Variants in MDN1 observed in about 807,000 individuals in gnomAD.
MDN1 encodes the protein midasin AAA ATPase 1.
MDN1 carries 266 observed loss-of-function variants against 669.2 expected under a neutral mutation model. That is an observed-to-expected ratio of 0.40 (90% CI 0.36 to 0.44). The LOEUF is 0.44. Among genes scored for constraint, MDN1 ranks in the 20% least tolerant of loss-of-function variants. The pLI is 1.00. For synonymous variants in MDN1, 2,385 were observed against 2,457.1 expected, an observed-to-expected ratio of 0.97 and a Z score of 0.87; for missense variants, 5,940 against 6,754.0, an observed-to-expected ratio of 0.88 and a Z score of 4.22.
chr6:89,708,375 C>A, intron 51 of MDN1, 121 bp downstream of exon 51: 2 of 1,249,872 alleles, frequency 1.6e-6, no homozygotes, highest in Non-Finnish European at 1.1e-6. Flanking sequence ...TGTCCAACAC[C>A]CCACAACTTC....
At chr6:89,735,409 T>C (rs1377523481) in intron 33 of MDN1, among the ~76,000 whole-genome samples, 1 of 150,374 alleles carries the variant, frequency 6.7e-6, no homozygotes, top group Non-Finnish European at 1.5e-5. Context: ...GGTCTCACTC[T>C]GTTGCCCAGG....
chr6:89,754,016 C>T lies in MDN1; in HGVS notation c.2964+67G>A, dbSNP rs369495747. 3.7e-5 allele frequency: 57 copies of T among 1,531,942 alleles called. No homozygotes were observed. In the African/African-American group the frequency reaches 7.3e-4, roughly 20 times the overall value. 94.9% of individuals were successfully genotyped at this position (1,531,942 alleles called of 1,614,324 possible). ...GCACAGGCAACCTGGCATATGCATC[C>T]CTATTCCTTCCTTCCCATGAACCCA... On this transcript the variant is annotated intron_variant, in intron 21 of 101. Transcript: ENST00000369393.
At chr6:89,795,714 G>A (rs1819553542) in intron 2 of MDN1, among the ~76,000 whole-genome samples, 5 of 152,204 alleles carry the variant, frequency 3.3e-5, no homozygotes, top group Admixed American at 2.6e-4. Context: ...AGCACTTTCG[G>A]AGGCTGAGGC....
intron 2 of MDN1, 129 bp downstream of exon 2, chr6:89,803,199 A>G: frequency 1.3e-6 from 1 of 790,290 alleles, no homozygotes; most frequent in South Asian, 1.6e-5. Context: ...TTTTTATAAA[A>G]CAATACTATT....
At chr6:89,780,867 T>C (rs1362110902) in intron 10 of MDN1, among the ~76,000 whole-genome samples, 1 of 150,880 alleles carries the variant, frequency 6.6e-6, no homozygotes, top group East Asian at 1.9e-4. Flanking sequence ...GCCAGGATGG[T>C]CTCGAACTCC....
At chr6:89,699,781 T>C (rs1427202081) in intron 57 of MDN1, 54 bp from the exon 58 acceptor site, 3 of 1,577,664 alleles carry the variant, frequency 1.9e-6, no homozygotes, top group Non-Finnish European at 2.6e-6. Context: ...AATGAACTAC[T>C]GGAAAGCTGC....
chr6:89,692,497 T>A lies in MDN1; in HGVS notation c.10533A>T (p.Leu3511Phe), dbSNP rs1812434955. ...NALLYLRSHV[L>F]CKGELDQRAL... ...CCCTCTGGTCCAACTCTCCCTTGCA[T>A]AACACGTGGGAGCGCAGGTAAAGGA... The change falls in exon 63 of 102, where the codon TTA becomes TTT. Residue 3511 changes from leucine to phenylalanine, a missense_variant. Physicochemically the swap from Leu to Phe is conservative, Grantham distance 22 (BLOSUM62 0). Transcript: ENST00000369393. The A allele has an allele frequency of 6.2e-7, 1 of 1,614,052 alleles. No individual in the cohort carries two copies. Among genetic ancestry groups the A allele is most frequent in the Admixed American group, 1.7e-5 (1 of 60,004 alleles).
chr6:89,743,772 C>T (rs924808274), intron 29 of MDN1, 58 bp from the exon 30 acceptor site: 2 of 1,464,936 alleles, frequency 1.4e-6, no homozygotes, highest in Non-Finnish European at 9.1e-7. Flanking sequence ...CATCCATAAA[C>T]ACCCCCCCTC....
At chr6:89,706,851 T>C (rs1349764900) in intron 52 of MDN1, among the ~76,000 whole-genome samples, 1 of 152,204 alleles carries the variant, frequency 6.6e-6, no homozygotes, top group Non-Finnish European at 1.5e-5. Flanking sequence ...AATGAAACTA[T>C]TACTAACAGT....
In MDN1 at chr6:89,643,871, T is replaced by G. The variant is rs981049559; in HGVS notation, c.*134A>C. 2 of 800,560 alleles carry G rather than the reference T, an allele frequency of 2.5e-6. No homozygotes were observed. Among genetic ancestry groups the G allele is most frequent in the Admixed American group, 3.5e-5 (1 of 28,960 alleles). 49.6% of individuals were successfully genotyped at this position (800,560 alleles called of 1,614,324 possible). A position where few individuals can be genotyped will look rare whatever the true frequency, so the allele number is the denominator to read the frequency against. The stretch of plus-strand genomic sequence containing the variant: ...AAGCCGGGAGCCAGAGAGCATTCTG[T>G]AGGCTGTAAGATCACGTTGTAAAAT... On this transcript the variant is annotated 3_prime_UTR_variant, in exon 102 of 102. Coordinates refer to ENST00000369393, the MANE Select transcript of MDN1 (RefSeq NM_014611.3).
At position 89,668,154 on chromosome 6, in the gene MDN1, T is replaced by C. The variant is rs1393128077; in HGVS notation, c.13957-3A>G. On this transcript the variant is annotated splice_region_variant and splice_polypyrimidine_tract_variant and intron_variant, in intron 83 of 101. Transcript: ENST00000369393. The stretch of plus-strand genomic sequence containing the variant: ...AATTCTTTGGGCAAGCAAAATCCCT[T>C]AGAAAAAAGAAAAAGGAAGTGAACA... The C allele has an allele frequency of 1.2e-6, 2 of 1,611,894 alleles. No individual in the cohort carries two copies. Among genetic ancestry groups the C allele is most frequent in the African/African-American group, 1.3e-5 (1 of 74,754 alleles).
chr6:89,798,239 C>T (rs926313774), intron 2 of MDN1, among the ~76,000 whole-genome samples: 5 of 150,530 alleles, frequency 3.3e-5, no homozygotes, highest in Non-Finnish European at 7.4e-5. Flanking sequence ...GTAGGCCAGG[C>T]GCAGTGGCTC....
intron 2 of MDN1, among the ~76,000 whole-genome samples, chr6:89,799,379 G>T (rs1349313056): frequency 1.3e-5 from 2 of 152,212 alleles, no homozygotes; most frequent in African/African-American, 4.8e-5. Context: ...CAAATAAACT[G>T]CACACTTAGA....
chr6:89,714,994 C>T (rs1344050205), intron 45 of MDN1, among the ~76,000 whole-genome samples: 1 of 152,150 alleles, frequency 6.6e-6, no homozygotes, highest in Non-Finnish European at 1.5e-5. Context: ...AAAAATTTAA[C>T]CTTCAGATAT....
intron 27 of MDN1, among the ~76,000 whole-genome samples, chr6:89,747,079 C>T (rs933614300): frequency 2.6e-5 from 4 of 152,296 alleles, no homozygotes; most frequent in African/African-American, 9.6e-5. Flanking sequence ...AGGCTATGTC[C>T]ATATCCTGAC....
intron 49 of MDN1, among the ~76,000 whole-genome samples, chr6:89,711,553 G>A (rs1813923242): frequency 6.6e-6 from 1 of 151,986 alleles, no homozygotes; most frequent in African/African-American, 2.4e-5. Context: ...ATGTCCCTGG[G>A]TGGGGGAGGG....
intron 45 of MDN1, 60 bp downstream of exon 45, chr6:89,715,593 G>A (rs1814308338): frequency 1.3e-5 from 13 of 999,918 alleles, no homozygotes; most frequent in South Asian, 7.7e-5. Flanking sequence ...CCTACTGAAC[G>A]TCTACCTCTG....
intron 1 of MDN1, among the ~76,000 whole-genome samples, chr6:89,813,605 C>A (rs1303862660): frequency 6.6e-6 from 1 of 150,654 alleles, no homozygotes; most frequent in African/African-American, 2.4e-5. Context: ...GTATTGTGCA[C>A]CTGTTGTCCC....
chr6:89,730,133 G>A (rs565842606), intron 35 of MDN1, among the ~76,000 whole-genome samples: 1 of 152,202 alleles, frequency 6.6e-6, no homozygotes, highest in African/African-American at 2.4e-5. Context: ...TTAAATACTT[G>A]GTAGAGACAA....
Sources: gnomAD v4.1 joint callset for allele counts (sites outside exome capture counted in the v4.1 genomes callset) on GRCh38, gnomAD v4.1.1 for gene constraint, MANE v1.5 for transcripts, NCBI Gene and HGNC (gene_info 2026-07-23, HGNC 2026-07-21) for gene names.